Variants in ST6GAL1 observed in about 807,000 individuals in gnomAD.
The protein encoded by ST6GAL1 is ST6 beta-galactoside alpha-2,6-sialyltransferase 1, also known as beta-galactoside alpha-2,6-sialyltransferase 1.
ST6GAL1 carries 20 observed loss-of-function variants against 38.0 expected under a neutral mutation model. That is an observed-to-expected ratio of 0.53 (90% CI 0.37 to 0.77). The LOEUF is 0.77. ST6GAL1 is among the 30% of genes least tolerant of loss of function. The pLI is 0.00. For synonymous variants in ST6GAL1, 196 were observed against 188.2 expected, an observed-to-expected ratio of 1.04 and a Z score of -0.34; for missense variants, 432 against 496.4, an observed-to-expected ratio of 0.87 and a Z score of 1.23.
Position 187,023,563 on chromosome 3 carries a change from T to C in ST6GAL1, c.-182-15179T>C, listed in dbSNP as rs576244906. Among the ~76,000 whole-genome samples the C allele has an allele frequency of 1.2e-4, 18 of 152,200 alleles. No individual in the cohort carries two copies. In the East Asian group the frequency reaches 3.3e-3, roughly 28 times the overall value. ...TGGAATACTATGCAGCCATGAAAAA[T>C]GATGAGTTCACGTCCTTTGTAGGGA... On this transcript the variant is annotated intron_variant, in intron 2 of 7. Coordinates refer to ENST00000169298, the MANE Select transcript of ST6GAL1 (RefSeq NM_173216.2).
intron 1 of ST6GAL1, among the ~76,000 whole-genome samples, chr3:186,958,066 G>A (rs1193855057): frequency 6.7e-6 from 1 of 150,164 alleles, no homozygotes. Context: ...AAAAAAAAAA[G>A]ATTAGTACAT....
At chr3:186,980,603 CAAAAAAA>C (rs34503745) in intron 2 of ST6GAL1, among the ~76,000 whole-genome samples, 71 of 92,158 alleles carry the variant, frequency 7.7e-4, no homozygotes, top group South Asian at 6.9e-3. Flanking sequence ...ACTAAAATTA[CAAAAAAA>C]AAAAAAAAAA....
At chr3:186,963,041 G>T (rs552902356) in intron 1 of ST6GAL1, among the ~76,000 whole-genome samples, 2 of 152,106 alleles carry the variant, frequency 1.3e-5, no homozygotes, top group Non-Finnish European at 2.9e-5. Flanking sequence ...GGTACATTTT[G>T]TCTTTTTCAT....
Position 187,043,266 on chromosome 3 carries a change from C to A in ST6GAL1, c.563C>A (p.Ser188Ter). 1 of 1,614,110 alleles carries A rather than the reference C, an allele frequency of 6.2e-7. No homozygotes were observed. The highest frequency in any genetic ancestry group is 1.1e-5 in the South Asian group (1 of 91,044). ...AGPWGRCAVVSSAGSLKSSQL... is the reference protein window; with the variant it reads ...AGPWGRCAVV ...CCTTGGGGCAGGTGTGCTGTTGTGT[C>A]GTCAGCGGGATCTCTGAAGTCCTCC... is the stretch of plus-strand genomic sequence containing the variant. The change falls in exon 4 of 8, where the codon TCG (serine) becomes TAG (stop). Residue 188 changes from serine (S) to a stop codon, truncating the protein, a stop_gained. Transcript: ENST00000169298. LOFTEE classifies it high-confidence loss of function.
At chr3:186,959,494 C>A (rs1034120460) in intron 1 of ST6GAL1, among the ~76,000 whole-genome samples, 8 of 152,094 alleles carry the variant, frequency 5.3e-5, no homozygotes, top group Non-Finnish European at 1.2e-4. Flanking sequence ...ACATAAAGCA[C>A]CTGGCACACA....
chr3:187,009,919 C>A (rs967517064), intron 2 of ST6GAL1, among the ~76,000 whole-genome samples: 1 of 151,956 alleles, frequency 6.6e-6, no homozygotes, highest in Non-Finnish European at 1.5e-5. Context: ...GCAGGAGAAT[C>A]GCTTGAACCC....
chr3:186,976,429 ATTCT>A (rs1715523050), intron 2 of ST6GAL1, among the ~76,000 whole-genome samples: 3 of 150,916 alleles, frequency 2.0e-5, no homozygotes, highest in Admixed American at 6.6e-5. Context: ...ATTTTATTTC[ATTCT>A]TTTTTTTTTT....
At chr3:187,072,754 C>T (rs1232148833) in intron 5 of ST6GAL1, 95 bp from the exon 6 acceptor site, 1 of 1,065,360 alleles carries the variant, frequency 9.4e-7, no homozygotes, top group Non-Finnish European at 1.5e-6. Context: ...GGCTCTGGGG[C>T]CTCAGGCTGT....
intron 2 of ST6GAL1, among the ~76,000 whole-genome samples, chr3:186,970,148 T>C (rs959561377): frequency 6.6e-6 from 1 of 152,126 alleles, no homozygotes; most frequent in Non-Finnish European, 1.5e-5. Flanking sequence ...CATTTTCTCT[T>C]GTGTGTAGGT....
At chr3:186,966,636 CTG>C (rs1448749461) in intron 2 of ST6GAL1, among the ~76,000 whole-genome samples, 1 of 152,246 alleles carries the variant, frequency 6.6e-6, no homozygotes, top group Non-Finnish European at 1.5e-5. Flanking sequence ...AAATGCTACA[CTG>C]TTCCTTTCAA....
intron 2 of ST6GAL1, among the ~76,000 whole-genome samples, chr3:187,002,205 A>G (rs1249976728): frequency 6.6e-6 from 1 of 152,170 alleles, no homozygotes; most frequent in Non-Finnish European, 1.5e-5. Context: ...TTTGGAGATG[A>G]ATGAGCTCAT....
chr3:187,048,750 A>T (rs1405326563), intron 4 of ST6GAL1, among the ~76,000 whole-genome samples: 1 of 152,138 alleles, frequency 6.6e-6, no homozygotes, highest in Non-Finnish European at 1.5e-5. Context: ...TGAACAAAAC[A>T]ATTCTCCTTT....
intron 4 of ST6GAL1, among the ~76,000 whole-genome samples, chr3:187,050,989 C>T (rs143184799): frequency 2.6e-5 from 4 of 152,324 alleles, no homozygotes; most frequent in Admixed American, 6.5e-5. Context: ...CAGGCACAAG[C>T]GAATGTCTTT....
chr3:186,997,142 T>A (rs2108550096), intron 2 of ST6GAL1, among the ~76,000 whole-genome samples: 1 of 152,172 alleles, frequency 6.6e-6, no homozygotes, highest in Non-Finnish European at 1.5e-5. Context: ...GCATGGACTA[T>A]CAGAGGAGGC....
chr3:186,973,121 C>T (rs1003605839), intron 2 of ST6GAL1, among the ~76,000 whole-genome samples: 2 of 152,114 alleles, frequency 1.3e-5, no homozygotes, highest in African/African-American at 2.4e-5. Context: ...CTGCAACCTC[C>T]GCCTCCTGGG....
chr3:187,045,219 A>G (rs1560174531), intron 4 of ST6GAL1, among the ~76,000 whole-genome samples: 1 of 152,102 alleles, frequency 6.6e-6, no homozygotes, highest in African/African-American at 2.4e-5. Context: ...TTAGGTAACC[A>G]CTATTGACAT....
intron 2 of ST6GAL1, among the ~76,000 whole-genome samples, chr3:187,032,571 G>C (rs2108573268): frequency 6.6e-6 from 1 of 152,278 alleles, no homozygotes; most frequent in South Asian, 2.1e-4. Flanking sequence ...GAAGAAGGTT[G>C]ACAAGATTCC....
chr3:187,066,593 CGTGCGTGCGTGTGT>C (rs1719142121), intron 5 of ST6GAL1, among the ~76,000 whole-genome samples: 1 of 121,446 alleles, frequency 8.2e-6, no homozygotes. Flanking sequence ...TGAAGATGTG[CGTGCGTGCGTGTGT>C]GTGTGTGTGT....
chr3:186,948,090 C>T (rs1274148898), intron 1 of ST6GAL1, among the ~76,000 whole-genome samples: 1 of 152,122 alleles, frequency 6.6e-6, no homozygotes, highest in Non-Finnish European at 1.5e-5. Flanking sequence ...GGTGAGAATC[C>T]GCTCTTGCCT....
Sources: gnomAD v4.1 joint callset for allele counts (sites outside exome capture counted in the v4.1 genomes callset) on GRCh38, gnomAD v4.1.1 for gene constraint, MANE v1.5 for transcripts, NCBI Gene and HGNC (gene_info 2026-07-23, HGNC 2026-07-21) for gene names.